Variants in CCSER1 observed in about 807,000 individuals in gnomAD.
The protein encoded by CCSER1 is serine-rich coiled-coil domain-containing protein 1.
CCSER1 carries 41 observed loss-of-function variants against 82.0 expected under a neutral mutation model. The ratio of observed to expected loss-of-function variants is 0.50; its 90% CI spans 0.39 to 0.65. The LOEUF is 0.65. Ranked by LOEUF, CCSER1 falls within the 30% of genes least tolerant of loss-of-function variation. The pLI, the probability that CCSER1 is intolerant of heterozygous loss-of-function variation, is 0.00. For missense variants in CCSER1, 1,119 were observed against 1,064.2 expected (o/e 1.05, Z -0.72); for synonymous variants, 414 against 383.9 (o/e 1.08, Z -0.92).
At chr4:90,859,539 G>T (rs116045532) in intron 8 of CCSER1, among the ~76,000 whole-genome samples, 1 of 151,578 alleles carries the variant, frequency 6.6e-6, no homozygotes, top group African/African-American at 2.4e-5. Flanking sequence ...CTTGTTTATA[G>T]GATGATAGAA....
At chr4:90,407,667 G>A (rs868730510) in intron 4 of CCSER1, among the ~76,000 whole-genome samples, 1 of 152,272 alleles carries the variant, frequency 6.6e-6, no homozygotes, top group Non-Finnish European at 1.5e-5. Context: ...AGCCAAGATG[G>A]CCGAATAGGA....
At chr4:90,424,725 A>G (rs1005376635) in intron 4 of CCSER1, among the ~76,000 whole-genome samples, 1 of 152,210 alleles carries the variant, frequency 6.6e-6, no homozygotes, top group Non-Finnish European at 1.5e-5. Context: ...CTTCCAGTTC[A>G]GTCCTCTTTC....
intron 7 of CCSER1, among the ~76,000 whole-genome samples, chr4:90,807,800 G>A (rs1244587581): frequency 6.6e-6 from 1 of 152,054 alleles, no homozygotes; most frequent in Non-Finnish European, 1.5e-5. Flanking sequence ...AATCAAAATT[G>A]TGAAAATGAC....
rs139813036 is a variant in CCSER1 at position 91,080,459 on chromosome 4, A to G, written c.2173-5491A>G. Reference sequence around the variant, plus strand: ...TAATAGCACTAAATGCCCATAAGAGAAAGCAGGAGAGATTTAAAATTGACA... The same window carrying G: ...TAATAGCACTAAATGCCCATAAGAGGAAGCAGGAGAGATTTAAAATTGACA... On this transcript the variant is annotated intron_variant, in intron 9 of 10. Transcript: ENST00000509176. 7.9e-3 allele frequency among the ~76,000 whole-genome samples: 1,204 copies of G among 152,336 alleles called. 16 individuals are homozygous for G. The highest frequency in any genetic ancestry group is 0.026 in the African/African-American group (1,080 of 41,570).
chr4:90,779,301 A>T (rs2149601793), intron 7 of CCSER1, among the ~76,000 whole-genome samples: 1 of 152,000 alleles, frequency 6.6e-6, no homozygotes, highest in African/African-American at 2.4e-5. Context: ...TTTCTGTGGT[A>T]AAATCTTACT....
At chr4:91,284,959 T>C (rs1210489937) in intron 10 of CCSER1, among the ~76,000 whole-genome samples, 2 of 151,948 alleles carry the variant, frequency 1.3e-5, no homozygotes, top group Admixed American at 6.6e-5. Context: ...TGTACTTTAC[T>C]ATCTCCTTTC....
At chr4:90,715,864 A>T (rs1741544277) in intron 6 of CCSER1, among the ~76,000 whole-genome samples, 1 of 151,966 alleles carries the variant, frequency 6.6e-6, no homozygotes, top group South Asian at 2.1e-4. Context: ...TATATCTTAT[A>T]GGTAAATTTG....
intron 3 of CCSER1, among the ~76,000 whole-genome samples, chr4:90,382,067 T>A (rs1341369392): frequency 6.6e-6 from 1 of 152,030 alleles, no homozygotes; most frequent in African/African-American, 2.4e-5. Context: ...CAATTTTGTG[T>A]CTAATTTTTT....
intron 9 of CCSER1, among the ~76,000 whole-genome samples, chr4:91,059,024 A>G (rs1236693651): frequency 6.6e-6 from 1 of 152,026 alleles, no homozygotes; most frequent in Admixed American, 6.6e-5. Flanking sequence ...CCACGCAAAA[A>G]TAAGAAATGT....
At chr4:91,273,209 T>C (rs1048068787) in intron 10 of CCSER1, among the ~76,000 whole-genome samples, 1 of 152,198 alleles carries the variant, frequency 6.6e-6, no homozygotes, top group Non-Finnish European at 1.5e-5. Flanking sequence ...TTTCACAATA[T>C]TGATTCTACC....
At chr4:90,724,962 G>A (rs966434269) in intron 7 of CCSER1, 1 of 418,948 alleles carries the variant, frequency 2.4e-6, no homozygotes, top group African/African-American at 2.1e-5. Flanking sequence ...ATTCAAATGA[G>A]AGTATTTAGT....
chr4:90,351,183 A>G (rs1041996584), intron 3 of CCSER1, among the ~76,000 whole-genome samples: 1 of 152,196 alleles, frequency 6.6e-6, no homozygotes, highest in Non-Finnish European at 1.5e-5. Flanking sequence ...CATACAGTCA[A>G]TCAGATTGAT....
At chr4:90,561,647 T>C (rs1778770842) in intron 5 of CCSER1, among the ~76,000 whole-genome samples, 1 of 152,200 alleles carries the variant, frequency 6.6e-6, no homozygotes, top group Non-Finnish European at 1.5e-5. Flanking sequence ...GAGATTGCCT[T>C]GAATATCCAG....
intron 10 of CCSER1, among the ~76,000 whole-genome samples, chr4:91,305,118 A>G (rs187633932): frequency 1.1e-4 from 17 of 152,156 alleles, no homozygotes; most frequent in African/African-American, 3.1e-4. Flanking sequence ...TATGATTTCT[A>G]TCTCAGTGTA....
intron 8 of CCSER1, among the ~76,000 whole-genome samples, chr4:90,844,024 A>G (rs1284912175): frequency 6.6e-6 from 1 of 151,998 alleles, no homozygotes; most frequent in Non-Finnish European, 1.5e-5. Context: ...ATGACCTCGT[A>G]TATTATTACA....
intron 10 of CCSER1, among the ~76,000 whole-genome samples, chr4:91,293,193 C>T (rs1367267104): frequency 1.3e-5 from 2 of 151,834 alleles, no homozygotes; most frequent in African/African-American, 4.8e-5. Flanking sequence ...AGTTCCTTTC[C>T]CACTCAGCAC....
At position 91,219,910 on chromosome 4, in the gene CCSER1, T is replaced by C. The variant is rs998225103; in HGVS notation, c.2217+133916T>C. Among the ~76,000 whole-genome samples the C allele has an allele frequency of 2.0e-5, 3 of 152,228 alleles. No homozygotes were observed. The South Asian group carries it at 6.2e-4, about 31-fold the overall frequency. Reference sequence around the variant, plus strand: ...AAATTTATATAGATAGAAATTTCTATGTAGAGTATTTCCCATACTTTCATT... The same window carrying C: ...AAATTTATATAGATAGAAATTTCTACGTAGAGTATTTCCCATACTTTCATT... On this transcript the variant is annotated intron_variant, in intron 10 of 10. Transcript: ENST00000509176.
In CCSER1 at chr4:90,509,508, C is replaced by G. The variant is rs1771182380; in HGVS notation, c.1724+41154C>G. ...GTCATATTTTCTACCACTACAATTG[C>G]AATCATTTTTTTTATAACTATGTGA... is the stretch of plus-strand genomic sequence containing the variant. On this transcript the variant is annotated intron_variant, in intron 5 of 10. Coordinates refer to ENST00000509176, the MANE Select transcript of CCSER1 (RefSeq NM_001145065.2). Among the ~76,000 whole-genome samples, 3 of 152,082 alleles carry G rather than the reference C, an allele frequency of 2.0e-5. No homozygotes were observed. The South Asian group carries it at 6.2e-4, about 32-fold the overall frequency.
chr4:90,443,379 A>G (rs1760179453), intron 4 of CCSER1, among the ~76,000 whole-genome samples: 1 of 152,162 alleles, frequency 6.6e-6, no homozygotes. Flanking sequence ...TTAGGTAACT[A>G]AGATGTTTAC....
Sources: gnomAD v4.1 joint callset for allele counts (sites outside exome capture counted in the v4.1 genomes callset) on GRCh38, gnomAD v4.1.1 for gene constraint, MANE v1.5 for transcripts, NCBI Gene and HGNC (gene_info 2026-07-23, HGNC 2026-07-21) for gene names.